Variants in PLS1 observed in about 807,000 individuals in gnomAD.
PLS1 encodes plastin-1.
PLS1 carries 32 observed loss-of-function variants against 73.7 expected under a neutral mutation model. The ratio of observed to expected loss-of-function variants is 0.43; its 90% CI spans 0.33 to 0.58. The LOEUF (loss-of-function observed/expected upper bound fraction) is 0.58, where lower values mean the gene tolerates loss of function less well. Ranked by LOEUF, PLS1 falls within the 20% of genes least tolerant of loss-of-function variation. PLS1 has a pLI of 0.04. For missense variants in PLS1, 633 were observed against 740.5 expected, an observed-to-expected ratio of 0.85 and a Z score of 1.68; for synonymous variants, 217 against 261.3, an observed-to-expected ratio of 0.83 and a Z score of 1.63.
chr3:142,687,932 A>G (rs2038005943), intron 9 of PLS1, among the ~76,000 whole-genome samples: 1 of 149,596 alleles, frequency 6.7e-6, no homozygotes, highest in Non-Finnish European at 1.5e-5. Flanking sequence ...TAAGGTCCAC[A>G]TGTTGTCTTT....
At chr3:142,604,473 G>C (rs1424962063) in intron 1 of PLS1, among the ~76,000 whole-genome samples, 1 of 152,064 alleles carries the variant, frequency 6.6e-6, no homozygotes, top group East Asian at 1.9e-4. Flanking sequence ...CCTAGTTATT[G>C]GAATTTTAAG....
At chr3:142,635,855 T>C (rs1404508491) in intron 1 of PLS1, among the ~76,000 whole-genome samples, 1 of 151,690 alleles carries the variant, frequency 6.6e-6, no homozygotes, top group Non-Finnish European at 1.5e-5. Context: ...CTAGAGCTTT[T>C]TGTTTGTTTG....
chr3:142,626,378 T>C (rs1426707733), intron 1 of PLS1, among the ~76,000 whole-genome samples: 1 of 152,196 alleles, frequency 6.6e-6, no homozygotes, highest in African/African-American at 2.4e-5. Flanking sequence ...TCACTAACAT[T>C]GTGCTGGGTG....
intron 12 of PLS1, among the ~76,000 whole-genome samples, chr3:142,702,044 A>C (rs55983184): frequency 0.13 from 20,256 of 152,266 alleles, 1,507 homozygotes; most frequent in East Asian, 0.19. Context: ...CTGCATTAAA[A>C]AATTCTTTTA....
chr3:142,666,543 C>T (rs1481389251), intron 2 of PLS1, among the ~76,000 whole-genome samples: 1 of 152,122 alleles, frequency 6.6e-6, no homozygotes, highest in Non-Finnish European at 1.5e-5. Flanking sequence ...CTTATCCATT[C>T]ATCCACTGAT....
chr3:142,601,646 C>G (rs1012300489), intron 1 of PLS1, among the ~76,000 whole-genome samples: 1 of 152,154 alleles, frequency 6.6e-6, no homozygotes, highest in Admixed American at 6.5e-5. Flanking sequence ...CCTCCCGCCT[C>G]AGCCTCCCAG....
intron 1 of PLS1, among the ~76,000 whole-genome samples, chr3:142,614,310 A>T (rs750593832): frequency 2.0e-5 from 3 of 152,230 alleles, no homozygotes; most frequent in East Asian, 3.8e-4. Flanking sequence ...TAGAGCTTAC[A>T]CTTAACTACC....
At chr3:142,624,445 C>A (rs551624081) in intron 1 of PLS1, among the ~76,000 whole-genome samples, 4 of 152,286 alleles carry the variant, frequency 2.6e-5, no homozygotes, top group South Asian at 4.1e-4. Flanking sequence ...ACCTTAAGTT[C>A]TTTTCTTAGT....
In PLS1 at chr3:142,663,584, A is replaced by G. The variant is rs76434059; in HGVS notation, c.-36-618A>G. ...TACAGTGGCACATGCCTGTAGTCCT[A>G]CCTATTCAGGAGGCTGAGGTGGGAG... On this transcript the variant is annotated intron_variant, in intron 1 of 15. Transcript: ENST00000457734. Among the ~76,000 whole-genome samples, 1,514 of 152,244 alleles carry G rather than the reference A, an allele frequency of 9.9e-3. 32 individuals are homozygous for G. Among genetic ancestry groups the G allele is most frequent in the African/African-American group, 0.035 (1,455 of 41,526 alleles).
chr3:142,651,286 C>T (rs1415714964), intron 1 of PLS1, among the ~76,000 whole-genome samples: 1 of 151,640 alleles, frequency 6.6e-6, no homozygotes, highest in African/African-American at 2.4e-5. Flanking sequence ...ATGATGAAAC[C>T]CCGTCTCTAC....
At chr3:142,651,622 C>T (rs1235825747) in intron 1 of PLS1, among the ~76,000 whole-genome samples, 1 of 152,128 alleles carries the variant, frequency 6.6e-6, no homozygotes, top group Non-Finnish European at 1.5e-5. Flanking sequence ...CCACTGTGCC[C>T]AGCTGATGGG....
chr3:142,702,696 G>A (rs1332226314), intron 12 of PLS1, among the ~76,000 whole-genome samples: 1 of 151,962 alleles, frequency 6.6e-6, no homozygotes, highest in Non-Finnish European at 1.5e-5. Context: ...AGATGATGCA[G>A]GTAAAAAACC....
At chr3:142,630,421 A>T (rs1428100366) in intron 1 of PLS1, among the ~76,000 whole-genome samples, 1 of 7,860 alleles carries the variant, frequency 1.3e-4, no homozygotes. Flanking sequence ...ACCCTGCCTC[A>T]AAAAAAAAAA....
chr3:142,682,690 G>T (rs1185118620), intron 6 of PLS1, among the ~76,000 whole-genome samples: 2 of 152,166 alleles, frequency 1.3e-5, no homozygotes, highest in Non-Finnish European at 2.9e-5. Context: ...GAAGCAAAGA[G>T]AAAAATATTA....
At chr3:142,701,869 T>G (rs552418796) in intron 12 of PLS1, among the ~76,000 whole-genome samples, 3 of 152,330 alleles carry the variant, frequency 2.0e-5, no homozygotes, top group Admixed American at 2.0e-4. Flanking sequence ...TATGCTGGCT[T>G]TTTACTCTCC....
chr3:142,680,428 A>G (rs1048497054), intron 6 of PLS1, among the ~76,000 whole-genome samples: 1 of 152,230 alleles, frequency 6.6e-6, no homozygotes, highest in South Asian at 2.1e-4. Flanking sequence ...TGAAGATTCA[A>G]GGTACTTTGG....
At chr3:142,616,091 A>T (rs192700662) in intron 1 of PLS1, among the ~76,000 whole-genome samples, 122 of 152,334 alleles carry the variant, frequency 8.0e-4, no homozygotes, top group Non-Finnish European at 1.4e-3. Context: ...GAGGTAAATC[A>T]TTTCCCATTT....
chr3:142,709,416 T>C (rs895769411), intron 14 of PLS1, among the ~76,000 whole-genome samples: 2 of 152,188 alleles, frequency 1.3e-5, no homozygotes, highest in African/African-American at 4.8e-5. Flanking sequence ...GAGATCTGTA[T>C]CATAAAATGA....
chr3:142,599,503 G>A (rs868006965), intron 1 of PLS1, among the ~76,000 whole-genome samples: 1 of 150,918 alleles, frequency 6.6e-6, no homozygotes, highest in Non-Finnish European at 1.5e-5. Flanking sequence ...CTAATTTTTT[G>A]TATTTTTAGT....
Sources: gnomAD v4.1 joint callset for allele counts (sites outside exome capture counted in the v4.1 genomes callset) on GRCh38, gnomAD v4.1.1 for gene constraint, MANE v1.5 for transcripts, NCBI Gene and HGNC (gene_info 2026-07-23, HGNC 2026-07-21) for gene names.